The following HPSE2 variants were observed in gnomAD, a reference collection of about 807,000 sequenced individuals.
HPSE2 encodes the protein heparanase 2 (inactive).
A neutral mutation model predicts 60.5 loss-of-function variants in HPSE2; 38 were observed. The ratio of observed to expected loss-of-function variants is 0.63; its 90% CI spans 0.48 to 0.82. The LOEUF (loss-of-function observed/expected upper bound fraction) is 0.82. Among genes scored for constraint, HPSE2 ranks in the 40% least tolerant of loss-of-function variants. The pLI is 0.00. For missense variants in HPSE2, 713 were observed against 740.4 expected (o/e 0.96, Z 0.43); for synonymous variants, 295 against 293.2 (o/e 1.01, Z -0.06).
chr10:98,721,776 C>T lies in HPSE2; in HGVS notation c.837G>A (p.Leu279=), dbSNP rs1326439809. 2.5e-6 allele frequency: 4 copies of T among 1,613,540 alleles called. No homozygotes were observed. The highest frequency in any genetic ancestry group is 4.5e-5 in the East Asian group (2 of 44,848). Residue 279 remains leucine (L), a synonymous_variant, in exon 5 of 12, where the codon TTG becomes TTA. Transcript: ENST00000370552. ...MHGRAVNGSQ[L]GKDYIQLKSL... ...TCTTCAGCTGGATGTAATCCTTTCC[C>T]AACTGGCTGCCATTTACTGCCCGGC...
intron 2 of HPSE2, among the ~76,000 whole-genome samples, chr10:99,165,424 G>A (rs145419826): frequency 3.3e-5 from 5 of 152,078 alleles, no homozygotes; most frequent in African/African-American, 9.6e-5. Flanking sequence ...TCTGCCTTAC[G>A]TTCCCCCAAT....
intron 3 of HPSE2, among the ~76,000 whole-genome samples, chr10:98,805,417 T>C (rs963479086): frequency 3.3e-5 from 5 of 152,144 alleles, no homozygotes; most frequent in Admixed American, 1.3e-4. Flanking sequence ...TCTGAGGGGA[T>C]AGATACCCCA....
chr10:99,078,542 T>G (rs190357807), intron 3 of HPSE2, among the ~76,000 whole-genome samples: 7 of 152,284 alleles, frequency 4.6e-5, no homozygotes, highest in Admixed American at 3.9e-4. Context: ...GATGCATTTT[T>G]TTTTACTTTA....
At chr10:98,716,717 A>G (rs1362876488) in intron 5 of HPSE2, among the ~76,000 whole-genome samples, 1 of 152,140 alleles carries the variant, frequency 6.6e-6, no homozygotes, top group African/African-American at 2.4e-5. Flanking sequence ...GTGAGTTAGC[A>G]GGCTTAAAAA....
At chr10:98,772,312 A>C (rs1200518847) in intron 3 of HPSE2, among the ~76,000 whole-genome samples, 1 of 152,188 alleles carries the variant, frequency 6.6e-6, no homozygotes, top group East Asian at 1.9e-4. Flanking sequence ...TCACAAAAAA[A>C]AGACAAAAAT....
intron 2 of HPSE2, among the ~76,000 whole-genome samples, chr10:99,220,425 A>C (rs1849269743): frequency 6.6e-6 from 1 of 152,210 alleles, no homozygotes; most frequent in Non-Finnish European, 1.5e-5. Context: ...TATATACTTT[A>C]AAATGTATAT....
intron 4 of HPSE2, among the ~76,000 whole-genome samples, chr10:98,726,695 A>T (rs180830319): frequency 6.6e-6 from 1 of 151,388 alleles, no homozygotes; most frequent in Admixed American, 6.6e-5. Flanking sequence ...AATTTGGGGA[A>T]TAAGGCAGCC....
At position 99,235,798 on chromosome 10, in the gene HPSE2, C is replaced by G; in HGVS notation, c.5G>C (p.Arg2Thr). The change falls in exon 1 of 12, where the codon AGG becomes ACG. Residue 2 changes from arginine to threonine, a missense_variant. By Grantham distance (71) the Arg-to-Thr change is moderately conservative (BLOSUM62 -1). Coordinates refer to ENST00000370552, the MANE Select transcript of HPSE2 (RefSeq NM_021828.5). M[R>T]VLCAFPEAMP... ...GGCTTCAGGGAAGGCACAAAGCACC[C>G]TCATTCAATCCCTCTGATTTAAACC... 1 of 1,612,896 alleles carries G rather than the reference C, an allele frequency of 6.2e-7. No homozygotes were observed. The highest frequency in any genetic ancestry group is 1.7e-5 in the Admixed American group (1 of 59,998).
chr10:99,065,092 TCA>T (rs1036165728), intron 3 of HPSE2, among the ~76,000 whole-genome samples: 3 of 152,224 alleles, frequency 2.0e-5, no homozygotes, highest in African/African-American at 7.2e-5. Flanking sequence ...TCCCATTTTC[TCA>T]GTTTGTCACA....
chr10:99,129,452 A>G (rs985116917), intron 3 of HPSE2, among the ~76,000 whole-genome samples: 1 of 152,206 alleles, frequency 6.6e-6, no homozygotes, highest in Non-Finnish European at 1.5e-5. Flanking sequence ...AACACAGTGA[A>G]TAAAACTAGA....
chr10:98,718,823 G>A (rs1011095846), intron 5 of HPSE2, among the ~76,000 whole-genome samples: 1 of 151,842 alleles, frequency 6.6e-6, no homozygotes, highest in African/African-American at 2.4e-5. Context: ...GTTGGTTAAT[G>A]GGTACAAAAA....
the HPSE2 span, among the ~76,000 whole-genome samples, chr10:99,255,599 T>G: frequency 2.7e-5 from 4 of 146,584 alleles, no homozygotes; most frequent in East Asian, 2.0e-4. Flanking sequence ...CACACACGAC[T>G]ACAATAGATG....
At chr10:98,960,726 ATTTT>A (rs68091060) in intron 3 of HPSE2, among the ~76,000 whole-genome samples, 44,673 of 102,734 alleles carry the variant, frequency 0.43, 6,952 homozygotes, top group Non-Finnish European at 0.52. Context: ...TTTTTGTTTT[ATTTT>A]TTTTATTTTA....
chr10:99,314,729 T>A, the HPSE2 span, among the ~76,000 whole-genome samples: 32 of 152,088 alleles, frequency 2.1e-4, no homozygotes, highest in African/African-American at 6.5e-4. Context: ...AAATCCTTTT[T>A]ATTTTATTTT....
intron 3 of HPSE2, among the ~76,000 whole-genome samples, chr10:98,799,724 T>C (rs1158017954): frequency 6.6e-6 from 1 of 151,808 alleles, no homozygotes; most frequent in Non-Finnish European, 1.5e-5. Context: ...GCAAAATTTC[T>C]TGAAAAAAAA....
chr10:99,214,037 G>A (rs534099782), intron 2 of HPSE2, among the ~76,000 whole-genome samples: 3 of 152,080 alleles, frequency 2.0e-5, no homozygotes, highest in Admixed American at 6.6e-5. Context: ...AATTTAAAAA[G>A]GGATAAAGAA....
chr10:98,984,383 A>C (rs563015151), intron 3 of HPSE2, among the ~76,000 whole-genome samples: 1 of 152,204 alleles, frequency 6.6e-6, no homozygotes, highest in African/African-American at 2.4e-5. Context: ...GGCAAACAGG[A>C]TCTGGAGTGG....
intron 5 of HPSE2, among the ~76,000 whole-genome samples, chr10:98,707,199 T>G (rs936902234): frequency 6.6e-6 from 1 of 152,196 alleles, no homozygotes; most frequent in South Asian, 2.1e-4. Context: ...TTATCCAAGA[T>G]GAGACCCAGG....
At chr10:98,513,221 C>T (rs1047675172) in intron 9 of HPSE2, among the ~76,000 whole-genome samples, 3 of 152,118 alleles carry the variant, frequency 2.0e-5, no homozygotes, top group East Asian at 1.9e-4. Flanking sequence ...GCTTCTCTTA[C>T]CCAGTCTTAT....
Sources: gnomAD v4.1 joint callset for allele counts (sites outside exome capture counted in the v4.1 genomes callset) on GRCh38, gnomAD v4.1.1 for gene constraint, MANE v1.5 for transcripts, NCBI Gene and HGNC (gene_info 2026-07-23, HGNC 2026-07-21) for gene names.